EHMT1: variants seen among roughly 807,000 people sequenced by gnomAD.
EHMT1 encodes euchromatic histone lysine methyltransferase 1.
A neutral mutation model predicts 147.2 loss-of-function variants in EHMT1; 15 were observed. The observed-to-expected ratio is 0.10, with a 90% CI of 0.07 to 0.16. EHMT1 has a LOEUF of 0.16. Among genes scored for constraint, EHMT1 ranks in the 10% least tolerant of loss-of-function variants. The pLI, the probability that EHMT1 is intolerant of heterozygous loss-of-function variation, is 1.00. For synonymous variants in EHMT1, 795 were observed against 709.6 expected (o/e 1.12, Z -1.91); for missense variants, 1,587 against 1,772.4 (o/e 0.90, Z 1.88).
intron 3 of EHMT1, 57 bp downstream of exon 3, chr9:137,717,239 C>T (rs908349990): frequency 2.9e-4 from 468 of 1,588,598 alleles, no homozygotes; most frequent in Non-Finnish European, 3.8e-4. Context: ...GTTTTAATAA[C>T]GGCAAATGGA....
chr9:137,708,346 A>C (rs1168720117), intron 1 of EHMT1, among the ~76,000 whole-genome samples: 6 of 152,224 alleles, frequency 3.9e-5, no homozygotes, highest in Admixed American at 1.3e-4. Context: ...AATTGCAGCT[A>C]TTCTGCTTTG....
At chr9:137,623,081 C>T (rs945257844) in intron 1 of EHMT1, among the ~76,000 whole-genome samples, 1 of 150,584 alleles carries the variant, frequency 6.6e-6, no homozygotes, top group African/African-American at 2.4e-5. Context: ...GGTGTGGTGG[C>T]GGCCGCCTGT....
chr9:137,658,291 C>T (rs931512646), intron 1 of EHMT1, among the ~76,000 whole-genome samples: 3 of 152,170 alleles, frequency 2.0e-5, no homozygotes, highest in African/African-American at 7.2e-5. Context: ...GCTGGCATTA[C>T]AGGCTGGTGC....
At chr9:137,773,430 G>T (rs1427565483) in intron 10 of EHMT1, among the ~76,000 whole-genome samples, 1 of 150,858 alleles carries the variant, frequency 6.6e-6, no homozygotes, top group Admixed American at 6.6e-5. Flanking sequence ...AAGTTGCCTG[G>T]GTGATTCTAA....
chr9:137,801,429 C>T (rs1292466703), intron 18 of EHMT1, among the ~76,000 whole-genome samples: 2 of 152,214 alleles, frequency 1.3e-5, no homozygotes, highest in African/African-American at 4.8e-5. Flanking sequence ...TCAAGTGATT[C>T]TCATGCCTCC....
chr9:137,711,553 C>T (rs917253788), intron 2 of EHMT1, among the ~76,000 whole-genome samples: 4 of 152,152 alleles, frequency 2.6e-5, no homozygotes, highest in African/African-American at 9.7e-5. Flanking sequence ...TTATGGCAGA[C>T]ACTTGGAGAA....
intron 25 of EHMT1, chr9:137,833,989 C>G (rs898689404): frequency 3.1e-6 from 1 of 326,604 alleles, no homozygotes; most frequent in Non-Finnish European, 5.8e-6. Context: ...GCCCCGGCCT[C>G]CTTTCTCCTA....
At chr9:137,753,289 G>T (rs1306341419) in intron 7 of EHMT1, among the ~76,000 whole-genome samples, 4 of 152,178 alleles carry the variant, frequency 2.6e-5, no homozygotes, top group African/African-American at 9.7e-5. Flanking sequence ...AGTGGGAGGA[G>T]GACACGGGGG....
chr9:137,758,147 G>A, intron 9 of EHMT1, 136 bp downstream of exon 9: 3 of 1,204,762 alleles, frequency 2.5e-6, no homozygotes, highest in East Asian at 2.4e-5. Context: ...TCCAGCTGAG[G>A]TGTAGACAGG....
At position 137,834,971 on chromosome 9, in the gene EHMT1, G is replaced by T; in HGVS notation, c.*18G>T. 7.2e-7 allele frequency: 1 copy of T among 1,393,916 alleles called. No individual in the cohort carries two copies. The highest frequency in any genetic ancestry group is 9.2e-7 in the Non-Finnish European group (1 of 1,082,486). The allele number at this position is 1,393,916 out of a possible 1,614,324, so 86.3% of individuals were successfully genotyped here. On this transcript the variant is annotated 3_prime_UTR_variant, in exon 27 of 27. Coordinates refer to ENST00000460843, the MANE Select transcript of EHMT1 (RefSeq NM_024757.5). ...CCCTATGAGACGCCGCCGGCCAGCG[G>T]GGCGCTCGGGAGCCAGGGACCGCCG... is the stretch of plus-strand genomic sequence containing the variant.
chr9:137,833,642 CCAT>C (rs1273543181), intron 25 of EHMT1, among the ~76,000 whole-genome samples: 1 of 152,386 alleles, frequency 6.6e-6, no homozygotes, highest in East Asian at 1.9e-4. Flanking sequence ...AATTCAGAAT[CCAT>C]CATCACAGGC....
Position 137,815,937 on chromosome 9 carries a change from CT to C in EHMT1, c.3259-9del. The C allele has an allele frequency of 6.3e-7, 1 of 1,595,370 alleles. No individual in the cohort carries two copies. The highest frequency in any genetic ancestry group is 1.1e-5 in the South Asian group (1 of 88,060). On this transcript the variant is annotated splice_polypyrimidine_tract_variant and intron_variant, in intron 22 of 26. Coordinates refer to ENST00000460843, the MANE Select transcript of EHMT1 (RefSeq NM_024757.5). The stretch of plus-strand genomic sequence containing the variant: ...CCTCTGCTGGGCCCTTGCTGCTCAT[CT>C]GTCCACAGGATGGCCGGCTCCTGCC...
At chr9:137,676,001 G>T (rs1364496062) in intron 1 of EHMT1, 1 of 150,710 alleles carries the variant, frequency 6.6e-6, no homozygotes, top group Non-Finnish European at 1.5e-5. Context: ...AGCCGGGATG[G>T]TCTCGATCTC....
rs61666243 is a variant in EHMT1, at chr9:137,675,630, AT to A, written c.22-35316del. 4.1e-3 allele frequency among the ~76,000 whole-genome samples: 431 copies of A among 105,732 alleles called. 4 individuals are homozygous for A. The highest frequency in any genetic ancestry group is 0.01 in the East Asian group (40 of 3,932). 69.4% of individuals were successfully genotyped at this position (105,732 alleles called of 152,430 possible). A position where few individuals can be genotyped will look rare whatever the true frequency, so the allele number is the denominator to read the frequency against. On this transcript the variant is annotated intron_variant, in intron 1 of 26. Coordinates refer to ENST00000460843, the MANE Select transcript of EHMT1 (RefSeq NM_024757.5). Reference sequence around the variant, plus strand: ...AGGTGCCGGCCACCACGCCCGGCTAATTTTTTTTTTTTTTTTTTTTTGAGAC... The same window carrying A: ...AGGTGCCGGCCACCACGCCCGGCTAATTTTTTTTTTTTTTTTTTTTGAGAC...
At chr9:137,652,598 C>T (rs1021930250) in intron 1 of EHMT1, among the ~76,000 whole-genome samples, 6 of 151,930 alleles carry the variant, frequency 3.9e-5, no homozygotes, top group African/African-American at 1.5e-4. Context: ...GTTAGCTAGG[C>T]TGGTCTTGAA....
At chr9:137,674,251 T>C (rs1042793835) in intron 1 of EHMT1, among the ~76,000 whole-genome samples, 1 of 152,140 alleles carries the variant, frequency 6.6e-6, no homozygotes, top group Non-Finnish European at 1.5e-5. Flanking sequence ...CACCAGGGCC[T>C]CCTGAAGGCC....
intron 25 of EHMT1, among the ~76,000 whole-genome samples, chr9:137,824,182 G>A (rs1955652418): frequency 6.6e-6 from 1 of 152,164 alleles, no homozygotes; most frequent in African/African-American, 2.4e-5. Context: ...CCGAGACGGA[G>A]TTTGAAGCTG....
intron 4 of EHMT1, among the ~76,000 whole-genome samples, chr9:137,741,693 T>C (rs1190696741): frequency 6.6e-6 from 1 of 152,180 alleles, no homozygotes; most frequent in African/African-American, 2.4e-5. Flanking sequence ...GCTGCAACCC[T>C]GCAGTCAGCC....
chr9:137,679,702 C>T (rs1478590934), intron 1 of EHMT1, among the ~76,000 whole-genome samples: 1 of 152,148 alleles, frequency 6.6e-6, no homozygotes, highest in Non-Finnish European at 1.5e-5. Context: ...GTAAGTAAAG[C>T]TATTGTACTT....
Sources: gnomAD v4.1 joint callset for allele counts (sites outside exome capture counted in the v4.1 genomes callset) on GRCh38, gnomAD v4.1.1 for gene constraint, MANE v1.5 for transcripts, NCBI Gene and HGNC (gene_info 2026-07-23, HGNC 2026-07-21) for gene names.